ULK4: variants seen among roughly 807,000 people sequenced by gnomAD.
ULK4 encodes the protein unc-51 like kinase 4.
In ULK4, 133 loss-of-function variants were observed where a neutral mutation model predicts 160.6. That is an observed-to-expected ratio of 0.83 (90% CI 0.72 to 0.96). The LOEUF is 0.96. Among genes scored for constraint, ULK4 ranks in the 40% least tolerant of loss-of-function variants. ULK4 has a pLI of 0.00. For synonymous variants in ULK4, 534 were observed against 539.8 expected (o/e 0.99, Z 0.15); for missense variants, 1,580 against 1,499.5 (o/e 1.05, Z -0.89).
intron 21 of ULK4, among the ~76,000 whole-genome samples, chr3:41,780,107 C>T (rs2039778605): frequency 6.6e-6 from 1 of 151,536 alleles, no homozygotes; most frequent in South Asian, 2.1e-4. Context: ...AGCCCAAGAG[C>T]TCGATAGCAG....
chr3:41,819,023 C>A (rs1354790386), intron 19 of ULK4, among the ~76,000 whole-genome samples: 1 of 152,158 alleles, frequency 6.6e-6, no homozygotes, highest in Non-Finnish European at 1.5e-5. Flanking sequence ...TGTCTCTAAA[C>A]CTCAAAATGG....
At chr3:41,706,372 T>TATA (rs202133465) in intron 25 of ULK4, among the ~76,000 whole-genome samples, 44 of 146,032 alleles carry the variant, frequency 3.0e-4, no homozygotes, top group African/African-American at 1.0e-3. Context: ...TATATATATA[T>TATA]TTAATATATA....
intron 34 of ULK4, among the ~76,000 whole-genome samples, chr3:41,406,798 C>T (rs746376220): frequency 3.9e-5 from 6 of 152,150 alleles, no homozygotes; most frequent in Non-Finnish European, 7.3e-5. Flanking sequence ...GAAGGGTACA[C>T]CCAACTGCCT....
chr3:41,305,185 GCTCTCC>G (rs72360335), intron 35 of ULK4, among the ~76,000 whole-genome samples: 4,750 of 146,538 alleles, frequency 0.032, 140 homozygotes, highest in Non-Finnish European at 0.045. Flanking sequence ...CTGGAATAGG[GCTCTCC>G]CTCTCCCTCT....
At chr3:41,375,208 C>G (rs2081458678) in intron 35 of ULK4, among the ~76,000 whole-genome samples, 1 of 152,102 alleles carries the variant, frequency 6.6e-6, no homozygotes, top group South Asian at 2.1e-4. Context: ...GCCATACTGC[C>G]CAAAGTAATT....
intron 17 of ULK4, among the ~76,000 whole-genome samples, chr3:41,851,615 T>G (rs985532997): frequency 6.6e-6 from 1 of 152,192 alleles, no homozygotes; most frequent in African/African-American, 2.4e-5. Flanking sequence ...GAGGATTCCC[T>G]CTTTTTCTAT....
At chr3:41,812,092 C>A (rs1285061929) in intron 19 of ULK4, among the ~76,000 whole-genome samples, 1 of 152,066 alleles carries the variant, frequency 6.6e-6, no homozygotes, top group Non-Finnish European at 1.5e-5. Context: ...CAATACAAGC[C>A]TGGGCAAAAT....
chr3:41,869,119 A>G (rs1472129132), intron 17 of ULK4: 2 of 152,002 alleles, frequency 1.3e-5, no homozygotes, highest in East Asian at 3.9e-4. Flanking sequence ...TATCTCTTCT[A>G]TTCACTATTT....
chr3:41,620,702 G>T (rs979559682), intron 30 of ULK4, among the ~76,000 whole-genome samples: 3 of 152,050 alleles, frequency 2.0e-5, no homozygotes. Flanking sequence ...TTGAAAACCG[G>T]CACAAGACAA....
intron 35 of ULK4, among the ~76,000 whole-genome samples, chr3:41,347,636 T>G (rs1165163669): frequency 6.6e-6 from 1 of 152,124 alleles, no homozygotes; most frequent in Non-Finnish European, 1.5e-5. Context: ...TCCTGCCACA[T>G]CTGCATGATC....
chr3:41,607,223 T>C (rs1447132043), intron 31 of ULK4, among the ~76,000 whole-genome samples: 1 of 152,096 alleles, frequency 6.6e-6, no homozygotes, highest in African/African-American at 2.4e-5. Flanking sequence ...AAAGGAGATG[T>C]AGGGGAAGGG....
At chr3:41,309,824 T>C (rs938783104) in intron 35 of ULK4, among the ~76,000 whole-genome samples, 6 of 150,972 alleles carry the variant, frequency 4.0e-5, no homozygotes, top group Admixed American at 2.0e-4. Context: ...AAGGAAAGAA[T>C]AAGCTGCACT....
chr3:41,903,826 C>G (rs1009229530), intron 12 of ULK4, among the ~76,000 whole-genome samples: 2 of 151,698 alleles, frequency 1.3e-5, no homozygotes, highest in African/African-American at 4.8e-5. Flanking sequence ...TCCCTTGTTT[C>G]AAAATGAACA....
At chr3:41,882,102 C>A (rs1201300435) in intron 17 of ULK4, 1 of 672,176 alleles carries the variant, frequency 1.5e-6, no homozygotes, top group Non-Finnish European at 2.7e-6. Context: ...ACAATTCCTG[C>A]AGCAGCAAAA....
intron 32 of ULK4, among the ~76,000 whole-genome samples, chr3:41,505,933 T>C (rs980336801): frequency 6.6e-4 from 101 of 152,306 alleles, no homozygotes; most frequent in African/African-American, 2.3e-3. Flanking sequence ...ATATGATATT[T>C]GCTTTAGTTT....
intron 30 of ULK4, among the ~76,000 whole-genome samples, chr3:41,637,855 A>T (rs1254682271): frequency 6.6e-6 from 1 of 152,206 alleles, no homozygotes; most frequent in African/African-American, 2.4e-5. Flanking sequence ...AGAAACGTCC[A>T]TTCAGATCCT....
At chr3:41,653,114 G>T (rs2034806138) in intron 30 of ULK4, among the ~76,000 whole-genome samples, 1 of 152,120 alleles carries the variant, frequency 6.6e-6, no homozygotes, top group Non-Finnish European at 1.5e-5. Flanking sequence ...TAGCCTTCGG[G>T]CATATCTTTC....
intron 30 of ULK4, among the ~76,000 whole-genome samples, chr3:41,642,976 G>A (rs148353072): frequency 6.6e-6 from 1 of 152,128 alleles, no homozygotes; most frequent in Non-Finnish European, 1.5e-5. Context: ...TCTGTTGGCT[G>A]CATAAATGTC....
chr3:41,630,346 C>G (rs960134617), intron 30 of ULK4, among the ~76,000 whole-genome samples: 1 of 152,150 alleles, frequency 6.6e-6, no homozygotes. Flanking sequence ...AGTTGTAGGG[C>G]TGAAGTCCTC....
Sources: gnomAD v4.1 joint callset for allele counts (sites outside exome capture counted in the v4.1 genomes callset) on GRCh38, gnomAD v4.1.1 for gene constraint, MANE v1.5 for transcripts, NCBI Gene and HGNC (gene_info 2026-07-23, HGNC 2026-07-21) for gene names.